SLCO5A1: variants seen among roughly 807,000 people sequenced by gnomAD.
SLCO5A1 encodes the protein solute carrier organic anion transporter family member 5A1.
A neutral mutation model predicts 65.1 loss-of-function variants in SLCO5A1; 39 were observed. The ratio of observed to expected loss-of-function variants is 0.60; its 90% CI spans 0.46 to 0.78. SLCO5A1 has a LOEUF of 0.78. SLCO5A1 is among the 30% of genes least tolerant of loss of function. The pLI is 0.00. For missense variants in SLCO5A1, 1,029 were observed against 1,069.4 expected (o/e 0.96, Z 0.53); for synonymous variants, 438 against 415.7 (o/e 1.05, Z -0.65).
chr8:69,827,487 C>T (rs79500002), intron 2 of SLCO5A1, among the ~76,000 whole-genome samples: 2,072 of 152,208 alleles, frequency 0.014, 28 homozygotes, highest in African/African-American at 0.034. Context: ...GTTAAAGCTG[C>T]CAGAATGTTA....
intron 4 of SLCO5A1, among the ~76,000 whole-genome samples, chr8:69,743,268 T>C (rs956114628): frequency 6.6e-6 from 1 of 152,210 alleles, no homozygotes; most frequent in Admixed American, 6.5e-5. Flanking sequence ...GCCAAGTGGG[T>C]TCCAGCATGT....
chr8:69,752,310 A>G (rs1312419190), intron 4 of SLCO5A1, among the ~76,000 whole-genome samples: 8 of 152,186 alleles, frequency 5.3e-5, no homozygotes, highest in Admixed American at 5.2e-4. Flanking sequence ...GGAAAAAAGG[A>G]TCTGGGACTC....
rs369365867 is a variant in SLCO5A1 at position 69,673,001 on chromosome 8, G to T, written c.2415C>A (p.His805Gln). The change falls in exon 10 of 10, where the codon CAC (histidine) becomes CAA (glutamine). Residue 805 changes from histidine (H) to glutamine (Q), a missense_variant. This residue lies in a region of SLCO5A1 where 258 missense variants were observed against 237.4 expected (regional missense o/e 1.09). Coordinates refer to ENST00000260126, the MANE Select transcript of SLCO5A1 (RefSeq NM_030958.3). ...CPAFSTQGEF[H>Q]EETGLQKGIQ... ...TCCCTTTTTGCAGGCCAGTCTCTTCGTGGAATTCTCCCTGGGTGCTGAAAG... is the reference window on the plus strand; with the variant it reads ...TCCCTTTTTGCAGGCCAGTCTCTTCTTGGAATTCTCCCTGGGTGCTGAAAG... 4 of 1,614,164 alleles carry T rather than the reference G, an allele frequency of 2.5e-6. No homozygotes were observed. The South Asian group carries it at 4.4e-5, about 18-fold the overall frequency.
intron 2 of SLCO5A1, chr8:69,794,166 A>G (rs1484181420): frequency 6.6e-6 from 2 of 304,744 alleles, no homozygotes; most frequent in Non-Finnish European, 1.3e-5. Context: ...ATGCATTACC[A>G]TGGATGAGAA....
intron 5 of SLCO5A1, among the ~76,000 whole-genome samples, chr8:69,705,467 A>G (rs1243771870): frequency 6.6e-6 from 1 of 152,228 alleles, no homozygotes; most frequent in African/African-American, 2.4e-5. Context: ...AAGACAAGCA[A>G]TCCATTACAA....
At chr8:69,823,372 G>A (rs964795994) in intron 2 of SLCO5A1, among the ~76,000 whole-genome samples, 4 of 152,166 alleles carry the variant, frequency 2.6e-5, no homozygotes, top group Admixed American at 1.3e-4. Flanking sequence ...GTATTCAGGA[G>A]ACCCATCTCA....
chr8:69,824,740 C>A (rs1407857270), intron 2 of SLCO5A1, among the ~76,000 whole-genome samples: 1 of 152,108 alleles, frequency 6.6e-6, no homozygotes, highest in African/African-American at 2.4e-5. Context: ...CTCTTCCAAT[C>A]AATAGAAAAA....
intron 2 of SLCO5A1, among the ~76,000 whole-genome samples, chr8:69,826,282 G>A (rs1426658126): frequency 6.6e-6 from 1 of 151,722 alleles, no homozygotes; most frequent in African/African-American, 2.4e-5. Context: ...TGACAAATGG[G>A]ATCTAATTAA....
intron 2 of SLCO5A1, among the ~76,000 whole-genome samples, chr8:69,819,767 G>T (rs903144023): frequency 1.1e-4 from 16 of 152,134 alleles, no homozygotes; most frequent in African/African-American, 3.9e-4. Context: ...TTTGAGACCA[G>T]CCTGGCCAAC....
chr8:69,685,323 A>G (rs1171197380), intron 6 of SLCO5A1, among the ~76,000 whole-genome samples: 1 of 152,220 alleles, frequency 6.6e-6, no homozygotes, highest in Non-Finnish European at 1.5e-5. Flanking sequence ...CCTGAGTAAC[A>G]CTAAGCAATC....
intron 2 of SLCO5A1, among the ~76,000 whole-genome samples, chr8:69,784,864 G>GA (rs1563722860): frequency 3.1e-4 from 14 of 44,886 alleles, no homozygotes; most frequent in Admixed American, 4.7e-4. Context: ...AGAAAGAAAG[G>GA]GAAGGAAGGA....
intron 5 of SLCO5A1, among the ~76,000 whole-genome samples, chr8:69,705,771 G>A (rs1814943001): frequency 6.6e-6 from 1 of 152,200 alleles, no homozygotes; most frequent in South Asian, 2.1e-4. Context: ...AATCACGTTT[G>A]TGAAAATTGT....
intron 2 of SLCO5A1, among the ~76,000 whole-genome samples, chr8:69,823,602 A>G (rs1475573010): frequency 6.6e-6 from 1 of 152,204 alleles, no homozygotes; most frequent in Non-Finnish European, 1.5e-5. Context: ...TGCACCCAAT[A>G]CAGGAGCACC....
At chr8:69,744,086 G>A (rs2890464) in intron 4 of SLCO5A1, among the ~76,000 whole-genome samples, 4,384 of 152,218 alleles carry the variant, frequency 0.029, 464 homozygotes, top group East Asian at 0.2. Context: ...CAGTATCTCA[G>A]GTGGCTGGAA....
rs1232499172 is a variant in SLCO5A1 at position 69,738,105 on chromosome 8, G to A, written c.1358C>T (p.Thr453Ile). The A allele has an allele frequency of 1.2e-6, 2 of 1,613,918 alleles. No homozygotes were observed. The highest frequency in any genetic ancestry group is 8.5e-7 in the Non-Finnish European group (1 of 1,179,884). ...AESAIVTAFI[T>I]FIPKFIESQF... Reference sequence around the variant, plus strand: ...TGACTCGATGAACTTGGGAATGAAGGTAATGAAAGCAGTTACAATGGCACT... The same window carrying A: ...TGACTCGATGAACTTGGGAATGAAGATAATGAAAGCAGTTACAATGGCACT... Residue 453 changes from threonine to isoleucine, a missense_variant, in exon 5 of 10, where the codon ACC becomes ATC. Thr to Ile is a moderately conservative substitution (Grantham distance 89, BLOSUM62 -1). Around this residue, in one of 3 missense-constraint regions of SLCO5A1, gnomAD observed 647 missense variants for 647.5 expected, o/e 1.00. Coordinates refer to ENST00000260126, the MANE Select transcript of SLCO5A1 (RefSeq NM_030958.3).
intron 2 of SLCO5A1, among the ~76,000 whole-genome samples, chr8:69,813,630 G>T (rs75466711): frequency 1.3e-5 from 2 of 152,200 alleles, no homozygotes; most frequent in Admixed American, 6.5e-5. Context: ...CTCTCAAGCC[G>T]CCGGGAGGTG....
chr8:69,728,025 G>A (rs1816162949), intron 5 of SLCO5A1, among the ~76,000 whole-genome samples: 1 of 152,150 alleles, frequency 6.6e-6, no homozygotes, highest in Non-Finnish European at 1.5e-5. Flanking sequence ...TGTCATAGCA[G>A]AAGAATGGAA....
rs199546929 is a variant in SLCO5A1 at position 69,723,361 on chromosome 8, C to G, written c.1423+14679G>C. ...CTGCATTTTGGGTTCAAGCAATCCT[C>G]CCACCTCAGCCTCCTGAGTAGCTGG... On this transcript the variant is annotated intron_variant, in intron 5 of 9. Transcript: ENST00000260126. Among the ~76,000 whole-genome samples the G allele has an allele frequency of 1.1e-4, 16 of 152,250 alleles. No individual in the cohort carries two copies. The East Asian group carries it at 3.1e-3, about 29-fold the overall frequency.
intron 5 of SLCO5A1, among the ~76,000 whole-genome samples, chr8:69,719,340 C>T (rs1563681598): frequency 6.6e-6 from 1 of 152,160 alleles, no homozygotes; most frequent in Non-Finnish European, 1.5e-5. Context: ...CAAGCGCAAA[C>T]ATACTCTAGG....
Sources: gnomAD v4.1 joint callset for allele counts (sites outside exome capture counted in the v4.1 genomes callset) on GRCh38, gnomAD v4.1.1 for gene constraint, gnomAD v4.1.1 regional missense constraint, MANE v1.5 for transcripts, NCBI Gene and HGNC (gene_info 2026-07-23, HGNC 2026-07-21) for gene names.